Variants in TBCEL observed in about 807,000 individuals in gnomAD.
TBCEL encodes the protein tubulin-specific chaperone cofactor E-like protein.
TBCEL carries 15 observed loss-of-function variants against 44.2 expected under a neutral mutation model. The observed-to-expected ratio is 0.34, with a 90% confidence interval of 0.23 to 0.52. The LOEUF (loss-of-function observed/expected upper bound fraction) is 0.52. TBCEL is among the 20% of genes least tolerant of loss of function. The pLI, the probability that TBCEL is intolerant of heterozygous loss-of-function variation, is 0.95. For missense variants in TBCEL, 319 were observed against 506.3 expected (o/e 0.63, Z 3.55); for synonymous variants, 171 against 185.4 (o/e 0.92, Z 0.63).
At chr11:121,032,941 G>A (rs759516369) in intron 1 of TBCEL, among the ~76,000 whole-genome samples, 3 of 152,174 alleles carry the variant, frequency 2.0e-5, no homozygotes. Flanking sequence ...TTGTAGATAG[G>A]GAATTTGTGA....
intron 8 of TBCEL, 44 bp from the exon 9 acceptor site, chr11:121,086,734 G>A (rs756841411): frequency 2.1e-5 from 30 of 1,444,076 alleles, no homozygotes; most frequent in Non-Finnish European, 2.8e-5. Context: ...CACAGTACAT[G>A]TGCTAGTAGT....
At chr11:121,033,544 G>A (rs1324311659) in intron 1 of TBCEL, among the ~76,000 whole-genome samples, 1 of 152,108 alleles carries the variant, frequency 6.6e-6, no homozygotes, top group Non-Finnish European at 1.5e-5. Flanking sequence ...GCATTAATTT[G>A]ATAAGTGCTG....
At chr11:121,065,055 T>G (rs1053661665) in intron 8 of TBCEL, among the ~76,000 whole-genome samples, 1 of 152,162 alleles carries the variant, frequency 6.6e-6, no homozygotes, top group Non-Finnish European at 1.5e-5. Context: ...CTTGATCTCC[T>G]GACCTCGTGA....
At chr11:121,074,712 A>T (rs1946002058) in intron 8 of TBCEL, among the ~76,000 whole-genome samples, 1 of 151,946 alleles carries the variant, frequency 6.6e-6, no homozygotes, top group Admixed American at 6.6e-5. Context: ...ATCCAAAAAA[A>T]TCTCATACTC....
At chr11:121,083,388 A>G (rs1339763339) in intron 8 of TBCEL, among the ~76,000 whole-genome samples, 2 of 152,232 alleles carry the variant, frequency 1.3e-5, no homozygotes, top group Non-Finnish European at 2.9e-5. Context: ...GGCTAGGATA[A>G]TTAGATAGTT....
At chr11:121,060,973 ATTG>A (rs1242921972) in intron 8 of TBCEL, among the ~76,000 whole-genome samples, 1 of 151,880 alleles carries the variant, frequency 6.6e-6, no homozygotes, top group Non-Finnish European at 1.5e-5. Flanking sequence ...AAAGTTCTCT[ATTG>A]TTTGTAGATT....
intron 8 of TBCEL, among the ~76,000 whole-genome samples, chr11:121,073,019 C>T (rs1379204716): frequency 3.3e-5 from 5 of 152,058 alleles, no homozygotes; most frequent in African/African-American, 1.2e-4. Flanking sequence ...ATTTGTCCAT[C>T]CCTTGTACTA....
At chr11:121,044,296 GTTGTATTCCC>G in intron 2 of TBCEL, among the ~76,000 whole-genome samples, 1 of 152,114 alleles carries the variant, frequency 6.6e-6, no homozygotes, top group South Asian at 2.1e-4. Flanking sequence ...AAACTTCGTT[GTTGTATTCCC>G]TTCCTTAAAA....
chr11:121,024,686 C>T (rs192938512), intron 1 of TBCEL, among the ~76,000 whole-genome samples: 1 of 152,254 alleles, frequency 6.6e-6, no homozygotes, highest in East Asian at 1.9e-4. Context: ...GGAGACGTGT[C>T]TGGGACTGCT....
At chr11:121,077,388 A>G (rs1234627107) in intron 8 of TBCEL, among the ~76,000 whole-genome samples, 12 of 152,058 alleles carry the variant, frequency 7.9e-5, no homozygotes, top group Non-Finnish European at 1.5e-5. Flanking sequence ...GAATTCATCC[A>G]TTTAATTATG....
At chr11:121,075,726 T>C (rs542451934) in intron 8 of TBCEL, among the ~76,000 whole-genome samples, 1 of 152,056 alleles carries the variant, frequency 6.6e-6, no homozygotes, top group East Asian at 1.9e-4. Flanking sequence ...AGTACAGTCA[T>C]GTGTTGCTTA....
chr11:121,078,629 C>T (rs1946072386), intron 8 of TBCEL, among the ~76,000 whole-genome samples: 1 of 152,152 alleles, frequency 6.6e-6, no homozygotes, highest in African/African-American at 2.4e-5. Flanking sequence ...ATTTCATGCA[C>T]AGCCTCTCAT....
intron 8 of TBCEL, among the ~76,000 whole-genome samples, chr11:121,065,308 A>G (rs142309288): frequency 6.6e-6 from 1 of 152,212 alleles, no homozygotes. Context: ...CTCTGCAAGC[A>G]AGAAAAGATC....
At chr11:121,074,153 TA>T (rs1206408758) in intron 8 of TBCEL, among the ~76,000 whole-genome samples, 1 of 152,112 alleles carries the variant, frequency 6.6e-6, no homozygotes, top group East Asian at 1.9e-4. Context: ...GTAGGTGTTT[TA>T]ATTTTTGAAT....
chr11:121,047,869 G>T, intron 4 of TBCEL: 1 of 500,996 alleles, frequency 2.0e-6, no homozygotes, highest in South Asian at 4.3e-5. Context: ...GCTGAGGCAG[G>T]AGGATCACTT....
At chr11:121,065,007 T>C (rs1455367758) in intron 8 of TBCEL, among the ~76,000 whole-genome samples, 2 of 152,012 alleles carry the variant, frequency 1.3e-5, no homozygotes, top group African/African-American at 4.8e-5. Context: ...TTTGTATTTT[T>C]AGTGGAGACG....
chr11:121,067,354 T>G (rs967611788), intron 8 of TBCEL, among the ~76,000 whole-genome samples: 2 of 152,154 alleles, frequency 1.3e-5, no homozygotes, highest in Non-Finnish European at 2.9e-5. Flanking sequence ...AGTAAAATGT[T>G]TAGGAGACTG....
At chr11:121,058,261 T>A in intron 6 of TBCEL, 84 bp from the exon 7 acceptor site, 1 of 1,438,002 alleles carries the variant, frequency 7.0e-7, no homozygotes, top group Non-Finnish European at 9.6e-7. Flanking sequence ...CAGAAGTTAC[T>A]AATTGAGCTA....
intron 6 of TBCEL, 116 bp from the exon 7 acceptor site, chr11:121,058,229 G>A: frequency 2.3e-6 from 3 of 1,291,546 alleles, no homozygotes; most frequent in Non-Finnish European, 3.2e-6. Context: ...AGACCGTTTA[G>A]TTTATGATCA....
Sources: allele counts gnomAD v4.1 joint callset (sites outside exome capture counted in the v4.1 genomes callset), GRCh38; gene constraint gnomAD v4.1.1; transcripts MANE v1.5; gene names NCBI Gene and HGNC (gene_info 2026-07-23, HGNC 2026-07-21).